The following EBF1 variants were observed in gnomAD, a reference collection of about 807,000 sequenced individuals.
The protein encoded by EBF1 is transcription factor COE1.
In EBF1, 10 loss-of-function variants were observed where a neutral mutation model predicts 68.4. The observed-to-expected ratio is 0.15, with a 90% confidence interval of 0.09 to 0.25. The LOEUF is 0.25. Among genes scored for constraint, EBF1 ranks in the 10% least tolerant of loss-of-function variants. EBF1 has a pLI of 1.00. For synonymous variants in EBF1, 298 were observed against 299.8 expected (o/e 0.99, Z 0.06); for missense variants, 509 against 794.4 (o/e 0.64, Z 4.32).
At chr5:158,964,713 TGTAATCCTTTGAGTTCCTTAAACAG>T (rs1268027772) in intron 6 of EBF1, among the ~76,000 whole-genome samples, 6 of 152,184 alleles carry the variant, frequency 3.9e-5, no homozygotes, top group Non-Finnish European at 8.8e-5. Flanking sequence ...AACACCAATA[TGTAATCCTTTGAGTTCCTTAAACAG>T]GTAGAGGCCC....
chr5:158,929,222 T>TCG (rs1252961722), intron 6 of EBF1, among the ~76,000 whole-genome samples: 1 of 152,180 alleles, frequency 6.6e-6, no homozygotes, highest in Non-Finnish European at 1.5e-5. Context: ...CACAGATGAA[T>TCG]CGCGTGTGGC....
intron 6 of EBF1, among the ~76,000 whole-genome samples, chr5:158,930,507 C>A (rs929443923): frequency 2.9e-4 from 44 of 152,136 alleles, no homozygotes; most frequent in South Asian, 2.1e-4. Flanking sequence ...GTAGTCCTAC[C>A]CTGGTAGCAT....
At chr5:158,899,585 G>A (rs1222691536) in intron 6 of EBF1, among the ~76,000 whole-genome samples, 3 of 152,176 alleles carry the variant, frequency 2.0e-5, no homozygotes, top group African/African-American at 7.2e-5. Context: ...AGACACCAAA[G>A]CTGTTAACGG....
intron 6 of EBF1, among the ~76,000 whole-genome samples, chr5:158,897,866 G>A (rs563918127): frequency 7.2e-5 from 11 of 152,170 alleles, no homozygotes; most frequent in Non-Finnish European, 1.5e-4. Context: ...AGAGTGGTGT[G>A]AGCTTTGACA....
intron 5 of EBF1, among the ~76,000 whole-genome samples, chr5:159,080,178 CA>C (rs1561967540): frequency 1.3e-5 from 2 of 152,198 alleles, no homozygotes; most frequent in African/African-American, 4.8e-5. Flanking sequence ...GGACTCTCCA[CA>C]GAGAAATTTT....
At chr5:158,737,880 G>T (rs1421832743) in intron 10 of EBF1, among the ~76,000 whole-genome samples, 3 of 152,148 alleles carry the variant, frequency 2.0e-5, no homozygotes, top group Middle Eastern at 3.2e-3. Context: ...GGAATGCAAA[G>T]AACTTGCATA....
At chr5:158,707,203 G>T (rs1209674352) in intron 15 of EBF1, among the ~76,000 whole-genome samples, 1 of 152,202 alleles carries the variant, frequency 6.6e-6, no homozygotes, top group Non-Finnish European at 1.5e-5. Flanking sequence ...ATGAGGTTGT[G>T]CAGGTCTCAA....
chr5:159,033,260 A>C (rs1313962182), intron 6 of EBF1, among the ~76,000 whole-genome samples: 1 of 152,250 alleles, frequency 6.6e-6, no homozygotes, highest in East Asian at 1.9e-4. Context: ...GATTCTGAGC[A>C]TAACTCCAGA....
At chr5:158,791,540 G>A (rs993596384) in intron 9 of EBF1, among the ~76,000 whole-genome samples, 2 of 151,372 alleles carry the variant, frequency 1.3e-5, no homozygotes, top group Admixed American at 6.6e-5. Context: ...TTGCAGCCTG[G>A]AATATTATTC....
intron 8 of EBF1, among the ~76,000 whole-genome samples, chr5:158,797,827 G>A (rs1779853560): frequency 1.3e-5 from 2 of 152,128 alleles, no homozygotes; most frequent in South Asian, 2.1e-4. Context: ...AAACTGGGCA[G>A]TTCAGATGAC....
chr5:158,852,755 CT>C (rs1166483476), intron 6 of EBF1, among the ~76,000 whole-genome samples: 3 of 152,130 alleles, frequency 2.0e-5, no homozygotes, highest in Non-Finnish European at 4.4e-5. Context: ...CATAAGGATG[CT>C]GATGGAAAAT....
At chr5:158,896,004 A>T (rs1802109262) in intron 6 of EBF1, among the ~76,000 whole-genome samples, 1 of 152,232 alleles carries the variant, frequency 6.6e-6, no homozygotes, top group Non-Finnish European at 1.5e-5. Flanking sequence ...ATTACTGTAT[A>T]CAACAGATAA....
At chr5:159,009,564 A>C (rs1016580395) in intron 6 of EBF1, among the ~76,000 whole-genome samples, 12 of 152,222 alleles carry the variant, frequency 7.9e-5, no homozygotes, top group Non-Finnish European at 1.6e-4. Context: ...AGACTTACTG[A>C]GGACAACTTC....
chr5:158,812,395 C>A (rs1354757842), intron 8 of EBF1, among the ~76,000 whole-genome samples: 1 of 152,056 alleles, frequency 6.6e-6, no homozygotes, highest in Non-Finnish European at 1.5e-5. Context: ...GTCGACCTAG[C>A]CCCCATTTCA....
intron 8 of EBF1, among the ~76,000 whole-genome samples, chr5:158,812,472 T>C (rs1208122352): frequency 6.6e-6 from 1 of 152,118 alleles, no homozygotes; most frequent in African/African-American, 2.4e-5. Context: ...TAGTGGGCTC[T>C]AATCATGCAA....
intron 6 of EBF1, among the ~76,000 whole-genome samples, chr5:158,931,578 G>C (rs1810904818): frequency 6.6e-6 from 1 of 152,132 alleles, no homozygotes; most frequent in Admixed American, 6.5e-5. Context: ...GACTTAATTT[G>C]TCATTTTTAA....
chr5:158,869,530 T>C (rs1450470414), intron 6 of EBF1, among the ~76,000 whole-genome samples: 1 of 151,980 alleles, frequency 6.6e-6, no homozygotes, highest in Non-Finnish European at 1.5e-5. Context: ...TGTTTTCCTA[T>C]ATTAGTAGTG....
chr5:158,872,295 C>A (rs985970384), intron 6 of EBF1, among the ~76,000 whole-genome samples: 6 of 151,874 alleles, frequency 4.0e-5, no homozygotes, highest in Non-Finnish European at 7.4e-5. Flanking sequence ...CTCCTGGGTT[C>A]CATCGATTCT....
chr5:158,842,727 G>C lies in EBF1; in HGVS notation c.555-2617C>G, dbSNP rs368038657. Among the ~76,000 whole-genome samples the C allele has an allele frequency of 5.3e-5, 8 of 152,294 alleles. No individual in the cohort carries two copies. The South Asian group carries it at 1.7e-3, about 32-fold the overall frequency. ...TCATAAGAATGGCTTCCGTGTATTG[G>C]GTGCTTACCTTGTGCTCAGTTCACT... On this transcript the variant is annotated intron_variant, in intron 6 of 15. Coordinates refer to ENST00000313708, the MANE Select transcript of EBF1 (RefSeq NM_024007.5).
Sources: gnomAD v4.1 joint callset for allele counts (sites outside exome capture counted in the v4.1 genomes callset) on GRCh38, gnomAD v4.1.1 for gene constraint, MANE v1.5 for transcripts, NCBI Gene and HGNC (gene_info 2026-07-23, HGNC 2026-07-21) for gene names.